AK9: variants seen among roughly 807,000 people sequenced by gnomAD.
AK9 encodes the protein adenylate kinase 9.
A neutral mutation model predicts 239.6 loss-of-function variants in AK9; 191 were observed. That is an observed-to-expected ratio of 0.80 (90% CI 0.71 to 0.90). The LOEUF (loss-of-function observed/expected upper bound fraction) is 0.90, where lower values mean the gene tolerates loss of function less well. AK9 is among the 40% of genes least tolerant of loss of function. The probability of loss-of-function intolerance (pLI) is 0.00; values close to 1 mark genes in which losing one functional copy is unlikely to be tolerated. For synonymous variants in AK9, 689 were observed against 721.0 expected (o/e 0.96, Z 0.71); for missense variants, 1,995 against 2,214.7 (o/e 0.90, Z 1.99).
intron 5 of AK9, among the ~76,000 whole-genome samples, chr6:109,667,360 TTTTAG>T (rs2128327128): frequency 6.6e-6 from 1 of 152,194 alleles, no homozygotes; most frequent in South Asian, 2.1e-4. Context: ...GAAGTTACTA[TTTTAG>T]TTGTCATTTG....
At chr6:109,522,556 T>C (rs891402593) in intron 29 of AK9, among the ~76,000 whole-genome samples, 3 of 152,080 alleles carry the variant, frequency 2.0e-5, no homozygotes, top group Non-Finnish European at 4.4e-5. Context: ...TTTCATTAAC[T>C]CTTTTTTGTT....
At chr6:109,516,763 T>C in intron 29 of AK9, 121 bp from the exon 30 acceptor site, 1 of 823,152 alleles carries the variant, frequency 1.2e-6, no homozygotes, top group Non-Finnish European at 1.9e-6. Context: ...ATGTTGACAT[T>C]CATCTAGTAA....
intron 24 of AK9, among the ~76,000 whole-genome samples, chr6:109,558,777 T>C (rs1240133489): frequency 6.6e-6 from 1 of 152,246 alleles, no homozygotes; most frequent in East Asian, 1.9e-4. Flanking sequence ...GCTGGGTTTT[T>C]AATTTTGATT....
chr6:109,647,005 G>A (rs994459711), intron 8 of AK9, among the ~76,000 whole-genome samples: 20 of 152,114 alleles, frequency 1.3e-4, no homozygotes, highest in African/African-American at 4.8e-4. Context: ...CATAACTGAA[G>A]GAGAAATAAA....
chr6:109,525,564 A>C (rs1780402216), intron 29 of AK9, among the ~76,000 whole-genome samples: 1 of 152,238 alleles, frequency 6.6e-6, no homozygotes, highest in African/African-American at 2.4e-5. Context: ...AAAAATGCTC[A>C]ATGTCACTAC....
chr6:109,589,925 A>G (rs1241540394), intron 17 of AK9, among the ~76,000 whole-genome samples: 4 of 152,066 alleles, frequency 2.6e-5, no homozygotes, highest in Admixed American at 6.6e-5. Context: ...CCACTTGATT[A>G]TGCTGGATTT....
intron 1 of AK9, among the ~76,000 whole-genome samples, chr6:109,683,841 T>A (rs1340364207): frequency 2.0e-5 from 3 of 152,164 alleles, no homozygotes; most frequent in Admixed American, 1.3e-4. Context: ...ATTTATAGAT[T>A]CAATGCTATC....
At position 109,563,201 on chromosome 6, in the gene AK9, T is replaced by C. The variant is rs528787940; in HGVS notation, c.2751+396A>G. Among the ~76,000 whole-genome samples, 7 of 152,322 alleles carry C rather than the reference T, an allele frequency of 4.6e-5. No individual in the cohort carries two copies. The East Asian group carries it at 1.3e-3, about 29-fold the overall frequency. ...GATAGATGTCTGAACTGGGCAGCTA[T>C]CAAATGAGAATGGTTGTCCAAATTC... On this transcript the variant is annotated intron_variant, in intron 24 of 40. Transcript: ENST00000424296.
Position 109,506,732 on chromosome 6 carries a change from G to A in AK9, c.4550C>T (p.Pro1517Leu). Residue 1517 changes from proline to leucine, a missense_variant, in exon 34 of 41, where the codon CCC becomes CTC. Pro to Leu is a moderately conservative substitution (Grantham distance 98). Coordinates refer to ENST00000424296, the MANE Select transcript of AK9 (RefSeq NM_001145128.3). ...CACACTCAATTCAAAGATGACCATG[G>A]GAATGATTGACCTAGCTTCCAAGAG... is the stretch of plus-strand genomic sequence containing the variant. ...MNLLEARSII[P>L]MVIFELSVPS... 6.5e-7 allele frequency: 1 copy of A among 1,535,310 alleles called. No individual in the cohort carries two copies.
At chr6:109,556,107 G>T (rs1006341801) in intron 24 of AK9, among the ~76,000 whole-genome samples, 2 of 152,056 alleles carry the variant, frequency 1.3e-5, no homozygotes, top group African/African-American at 4.8e-5. Context: ...TAGTGTCATT[G>T]GTCTTTATAT....
At chr6:109,664,570 G>A (rs951853750) in intron 5 of AK9, among the ~76,000 whole-genome samples, 3 of 151,884 alleles carry the variant, frequency 2.0e-5, no homozygotes, top group Non-Finnish European at 4.4e-5. Flanking sequence ...GACTACAGGC[G>A]CATGCTACCA....
intron 29 of AK9, among the ~76,000 whole-genome samples, chr6:109,520,703 C>T (rs1779770191): frequency 6.6e-6 from 1 of 152,006 alleles, no homozygotes; most frequent in African/African-American, 2.4e-5. Context: ...AATAGTATGG[C>T]CATTTTAACA....
In AK9 at chr6:109,610,480, G is replaced by C. The variant is rs1424818995; in HGVS notation, c.1727C>G (p.Ala576Gly). 44 of 1,551,258 alleles carry C rather than the reference G, an allele frequency of 2.8e-5. No homozygotes were observed. The highest frequency in any genetic ancestry group is 3.7e-5 in the Non-Finnish European group (43 of 1,146,804). ...CATGGTCACAACCTCTGGATGATCTGCAGTTACCTCTTCTATCAAGTCTTC... is the reference window on the plus strand; with the variant it reads ...CATGGTCACAACCTCTGGATGATCTCCAGTTACCTCTTCTATCAAGTCTTC... The part of the protein sequence containing the change: ...PTEDLIEEVT[A>G]DHPEVVTMIE... The change falls in exon 17 of 41, where the codon GCA (alanine) becomes GGA (glycine). Residue 576 changes from alanine to glycine, a missense_variant. Physicochemically the swap from Ala to Gly is moderately conservative, Grantham distance 60. Around this residue, in one of 5 missense-constraint regions of AK9, gnomAD observed 1,290 missense variants for 1,392.7 expected, o/e 0.93. Coordinates refer to ENST00000424296, the MANE Select transcript of AK9 (RefSeq NM_001145128.3).
intron 28 of AK9, 112 bp from the exon 29 acceptor site, chr6:109,529,185 T>C (rs1780917957): frequency 2.4e-6 from 3 of 1,242,696 alleles, no homozygotes; most frequent in South Asian, 3.4e-5. Flanking sequence ...AGAAGCACAG[T>C]GAACTTTGCA....
intron 5 of AK9, among the ~76,000 whole-genome samples, chr6:109,665,000 A>G (rs1800983720): frequency 6.6e-6 from 1 of 152,108 alleles, no homozygotes; most frequent in Admixed American, 6.5e-5. Context: ...AGATCGCACC[A>G]CTGCACTCCA....
chr6:109,686,173 T>A (rs1382319194), intron 1 of AK9, among the ~76,000 whole-genome samples: 1 of 152,144 alleles, frequency 6.6e-6, no homozygotes, highest in Non-Finnish European at 1.5e-5. Flanking sequence ...TATAAAGGGG[T>A]CTTGATCCAC....
intron 12 of AK9, among the ~76,000 whole-genome samples, chr6:109,625,248 C>G (rs77473837): frequency 0.029 from 4,383 of 152,280 alleles, 100 homozygotes; most frequent in East Asian, 0.11. Flanking sequence ...TTTGTGTTAA[C>G]TCATTTTTCA....
chr6:109,528,160 C>A (rs983107658), intron 29 of AK9: 8 of 262,056 alleles, frequency 3.1e-5, no homozygotes, highest in Non-Finnish European at 3.8e-5. Context: ...TGGACTCCTT[C>A]ACTGCTGAAA....
intron 29 of AK9, among the ~76,000 whole-genome samples, chr6:109,521,071 TA>T (rs1387520340): frequency 1.3e-5 from 2 of 152,132 alleles, no homozygotes; most frequent in African/African-American, 2.4e-5. Context: ...CTTCTTTTCT[TA>T]TTTGGATGCG....
Sources: gnomAD v4.1 joint callset for allele counts (sites outside exome capture counted in the v4.1 genomes callset) on GRCh38, gnomAD v4.1.1 for gene constraint, gnomAD v4.1.1 regional missense constraint, MANE v1.5 for transcripts, NCBI Gene and HGNC (gene_info 2026-07-23, HGNC 2026-07-21) for gene names.